Variants in TMEM167A observed in about 807,000 individuals in gnomAD.
The protein encoded by TMEM167A is protein kish-A.
TMEM167A carries 8 observed loss-of-function variants against 11.6 expected under a neutral mutation model. The ratio of observed to expected loss-of-function variants is 0.69; its 90% CI spans 0.40 to 1.24. The LOEUF (loss-of-function observed/expected upper bound fraction) is 1.24. Among genes scored for constraint, TMEM167A ranks in the 50% most tolerant of loss-of-function variants. The pLI is 0.01. For synonymous variants in TMEM167A, 22 were observed against 28.0 expected, an observed-to-expected ratio of 0.79 and a Z score of 0.67; for missense variants, 62 against 87.0, an observed-to-expected ratio of 0.71 and a Z score of 1.14.
rs114089883 is a variant in TMEM167A, at chr5:83,068,957, G to T, written c.4-3840C>A. Among the ~76,000 whole-genome samples the T allele has an allele frequency of 4.5e-3, 683 of 151,890 alleles. 3 individuals carry two copies. Among genetic ancestry groups the T allele is most frequent in the Non-Finnish European group, 7.0e-3 (477 of 67,954 alleles). ...ATGATAAAATGCTGAGAATATGAGG[G>T]TTCATTATAGGCTTCTACCTCTTTA... On this transcript the variant is annotated intron_variant, in intron 1 of 3. Transcript: ENST00000502346.
intron 2 of TMEM167A, 58 bp downstream of exon 2, chr5:83,064,945 GTTAAC>G: frequency 2.1e-6 from 2 of 962,792 alleles, no homozygotes; most frequent in East Asian, 2.5e-5. Context: ...TAATTTATAT[GTTAAC>G]TTACATTGAA....
At chr5:83,072,074 C>T (rs566164212) in intron 1 of TMEM167A, among the ~76,000 whole-genome samples, 3 of 152,222 alleles carry the variant, frequency 2.0e-5, no homozygotes, top group Admixed American at 6.5e-5. Context: ...AGAGTAGAAG[C>T]GCTTGAACTC....
At chr5:83,070,064 A>G (rs1744538737) in intron 1 of TMEM167A, among the ~76,000 whole-genome samples, 1 of 152,150 alleles carries the variant, frequency 6.6e-6, no homozygotes, top group Admixed American at 6.5e-5. Context: ...TGTAGGGTAA[A>G]ATAAAGACCT....
In TMEM167A at chr5:83,077,324, A is replaced by AGCGAGGCCG. The variant is rs1246263018; in HGVS notation, c.-10_-2dup. ...ACCTGGGAGCCCCACTTCTTACCAT[A>AGCGAGGCCG]GCGAGGCCGGCGATGCCGCAGCCAC... On this transcript the variant is annotated 5_prime_UTR_variant, in exon 1 of 4. Transcript: ENST00000502346. The AGCGAGGCCG allele has an allele frequency of 6.2e-7, 1 of 1,614,018 alleles. No individual in the cohort carries two copies.
rs1296758753 is a variant in TMEM167A at position 83,053,327 on chromosome 5, T to C, written c.*3757A>G. On this transcript the variant is annotated 3_prime_UTR_variant, in exon 4 of 4. Transcript: ENST00000502346. The stretch of plus-strand genomic sequence containing the variant: ...TGTAAATGCAACCATCACTGCTTCT[T>C]GTGCAGGTGTGTGCTTTAACAATCA... 6.6e-6 allele frequency: 1 copy of C among 151,974 alleles called. No individual in the cohort carries two copies. Among genetic ancestry groups the C allele is most frequent in the Non-Finnish European group, 1.5e-5 (1 of 67,920 alleles). The allele number at this position is 151,974 out of a possible 1,614,324, so 9.4% of individuals were successfully genotyped here.
chr5:83,066,648 C>T (rs1744485436), intron 1 of TMEM167A, among the ~76,000 whole-genome samples: 1 of 152,004 alleles, frequency 6.6e-6, no homozygotes, highest in Admixed American at 6.6e-5. Context: ...GAGACTGTTG[C>T]TATGGTTTAG....
At chr5:83,059,223 A>C (rs548995381) in intron 3 of TMEM167A, among the ~76,000 whole-genome samples, 8 of 152,184 alleles carry the variant, frequency 5.3e-5, no homozygotes, top group Admixed American at 4.6e-4. Context: ...AATAGATCAT[A>C]CAACAGGAAA....
intron 3 of TMEM167A, among the ~76,000 whole-genome samples, chr5:83,059,384 TTTTC>T (rs1352972612): frequency 3.3e-5 from 5 of 152,072 alleles, no homozygotes; most frequent in African/African-American, 1.2e-4. Context: ...TACCTTAATA[TTTTC>T]TTTATGCATT....
intron 2 of TMEM167A, 39 bp from the exon 3 acceptor site, chr5:83,061,950 T>A (rs775220405): frequency 6.5e-7 from 1 of 1,537,930 alleles, no homozygotes; most frequent in Non-Finnish European, 9.0e-7. Context: ...AGCTATTGAT[T>A]ACTCGGAAAG....
chr5:83,073,720 T>C (rs1014770353), intron 1 of TMEM167A, among the ~76,000 whole-genome samples: 1 of 152,198 alleles, frequency 6.6e-6, no homozygotes, highest in African/African-American at 2.4e-5. Flanking sequence ...CATGCAGACA[T>C]GGGAAGAACA....
intron 2 of TMEM167A, among the ~76,000 whole-genome samples, chr5:83,064,804 T>C (rs1238276031): frequency 1.3e-5 from 2 of 152,148 alleles, no homozygotes; most frequent in African/African-American, 2.4e-5. Flanking sequence ...TAACACATTT[T>C]AGGTCACTTC....
intron 1 of TMEM167A, among the ~76,000 whole-genome samples, chr5:83,074,994 T>C (rs1744619943): frequency 6.6e-6 from 1 of 152,098 alleles, no homozygotes; most frequent in Non-Finnish European, 1.5e-5. Flanking sequence ...GGTCTCCAAC[T>C]CCCGACCTCA....
intron 2 of TMEM167A, among the ~76,000 whole-genome samples, chr5:83,063,731 A>C (rs1291177508): frequency 6.6e-6 from 1 of 151,994 alleles, no homozygotes; most frequent in East Asian, 1.9e-4. Flanking sequence ...GAACCCTGTT[A>C]GTTGATTTAA....
chr5:83,056,057 TGAA>T lies in TMEM167A; in HGVS notation c.*1024_*1026del, dbSNP rs1208244571. 6.6e-6 allele frequency: 1 copy of T among 152,024 alleles called. No individual in the cohort carries two copies. The highest frequency in any genetic ancestry group is 1.5e-5 in the Non-Finnish European group (1 of 67,932). 9.4% of individuals were successfully genotyped at this position (152,024 alleles called of 1,614,324 possible). ...TCCTCTCGCCTAGACTAAAAATTGT[TGAA>T]GGTCTCCTTTCACTATCAAAGTTCA... On this transcript the variant is annotated 3_prime_UTR_variant, in exon 4 of 4. Transcript: ENST00000502346.
rs184595294 is a variant in TMEM167A at position 83,074,824 on chromosome 5, G to A, written c.3+2497C>T. 5.2e-3 allele frequency among the ~76,000 whole-genome samples: 783 copies of A among 151,624 alleles called. 8 individuals carry two copies. The highest frequency in any genetic ancestry group is 0.018 in the African/African-American group (732 of 41,242). On this transcript the variant is annotated intron_variant, in intron 1 of 3. Coordinates refer to ENST00000502346, the MANE Select transcript of TMEM167A (RefSeq NM_174909.5). ...TCGCTCTTGTTGTCCAGGCTGGAGTGCAATGGCACAATCTCGACACACCGC... is the reference window on the plus strand; with the variant it reads ...TCGCTCTTGTTGTCCAGGCTGGAGTACAATGGCACAATCTCGACACACCGC...
At chr5:83,076,941 A>G (rs888284116) in intron 1 of TMEM167A, among the ~76,000 whole-genome samples, 2 of 152,240 alleles carry the variant, frequency 1.3e-5, no homozygotes, top group African/African-American at 2.4e-5. Context: ...AAATCAAACA[A>G]TAACACCAGA....
intron 2 of TMEM167A, chr5:83,064,163 A>C (rs1313038141): frequency 2.0e-6 from 1 of 500,430 alleles, no homozygotes; most frequent in African/African-American, 2.0e-5. Context: ...GTATTAGTAC[A>C]TATTTTAAAA....
At chr5:83,068,146 A>C (rs1343795077) in intron 1 of TMEM167A, among the ~76,000 whole-genome samples, 1 of 152,154 alleles carries the variant, frequency 6.6e-6, no homozygotes, top group Non-Finnish European at 1.5e-5. Context: ...TATATTAATA[A>C]ATAATATTGG....
At position 83,053,928 on chromosome 5, in the gene TMEM167A, G is replaced by C. The variant is rs1350257681; in HGVS notation, c.*3156C>G. On this transcript the variant is annotated 3_prime_UTR_variant, in exon 4 of 4. Coordinates refer to ENST00000502346, the MANE Select transcript of TMEM167A (RefSeq NM_174909.5). ...GTGCACTATGAATTACTACGAGGAAGAATCTGTGTGCCTATCTTCCTGTCT... is the reference window on the plus strand; with the variant it reads ...GTGCACTATGAATTACTACGAGGAACAATCTGTGTGCCTATCTTCCTGTCT... 6.6e-6 allele frequency: 1 copy of C among 152,026 alleles called. No individual in the cohort carries two copies. Among genetic ancestry groups the C allele is most frequent in the Non-Finnish European group, 1.5e-5 (1 of 67,948 alleles). The allele number at this position is 152,026 out of a possible 1,614,324, so 9.4% of individuals were successfully genotyped here. A position where few individuals can be genotyped will look rare whatever the true frequency, so the allele number is the denominator to read the frequency against.
Sources: allele counts gnomAD v4.1 joint callset (sites outside exome capture counted in the v4.1 genomes callset), GRCh38; gene constraint gnomAD v4.1.1; transcripts MANE v1.5; gene names NCBI Gene and HGNC (gene_info 2026-07-23, HGNC 2026-07-21).